The following PCDH11X variants were observed in gnomAD, a reference collection of about 807,000 sequenced individuals.
PCDH11X encodes protocadherin 11 X-linked.
PCDH11X carries 18 observed loss-of-function variants against 53.3 expected under a neutral mutation model. The observed-to-expected ratio is 0.34, with a 90% confidence interval of 0.23 to 0.50. The LOEUF is 0.50. Among genes scored for constraint, PCDH11X ranks in the 20% least tolerant of loss-of-function variants. PCDH11X has a pLI of 0.98. For missense variants in PCDH11X, 570 were observed against 1,032.4 expected, an observed-to-expected ratio of 0.55 and a Z score of 6.14; for synonymous variants, 279 against 393.3, an observed-to-expected ratio of 0.71 and a Z score of 3.44.
Position 91,878,666 on chromosome X carries a change from A to G in PCDH11X, c.2426A>G (p.Asp809Gly). 2 of 1,210,590 alleles carry G rather than the reference A, an allele frequency of 1.7e-6. No individual in the cohort carries two copies. Among genetic ancestry groups the G allele is most frequent in the Non-Finnish European group, 2.2e-6 (2 of 895,182 alleles). The change falls in exon 6 of 11, where the codon GAC (aspartate) becomes GGC (glycine). Residue 809 changes from aspartate (D) to glycine (G), a missense_variant. Physicochemically the swap from Asp to Gly is moderately conservative, Grantham distance 94. Transcript: ENST00000682573. ...EIADVSSPTS[D>G]YVKILVAAVA... ...GCTGATGTATCCTCACCAACTAGTG[A>G]CTATGTCAAGATCCTGGTTGCAGCT...
At chrX:92,177,882 C>T (rs932292935) in intron 6 of PCDH11X, among the ~76,000 whole-genome samples, 1 of 110,263 alleles carries the variant, frequency 9.1e-6, no homozygotes, top group East Asian at 2.9e-4. Flanking sequence ...TATACATATA[C>T]ACACACACAA....
chrX:92,242,193 T>G (rs1401751937), intron 7 of PCDH11X, among the ~76,000 whole-genome samples: 4 of 111,168 alleles, frequency 3.6e-5, no homozygotes, highest in African/African-American at 1.3e-4. Context: ...TACCCTTCTT[T>G]ATGCGTAACC....
intron 6 of PCDH11X, among the ~76,000 whole-genome samples, chrX:91,987,331 C>T (rs1483314530): frequency 9.0e-6 from 1 of 111,528 alleles, no homozygotes. Context: ...ATCCACCTGC[C>T]TCATTCTCCC....
chrX:92,370,650 G>T (rs2070599324), intron 8 of PCDH11X, among the ~76,000 whole-genome samples: 1 of 109,756 alleles, frequency 9.1e-6, no homozygotes, highest in African/African-American at 3.3e-5. Flanking sequence ...AGTAGAGACG[G>T]GGTTTCACTA....
chrX:92,602,935 T>A (rs1427675724), intron 10 of PCDH11X, among the ~76,000 whole-genome samples: 1 of 85,784 alleles, frequency 1.2e-5, no homozygotes, highest in East Asian at 3.3e-4. Flanking sequence ...GAGGGCTCTG[T>A]TGTCAGATTT....
chrX:92,198,406 G>A (rs2066329263), intron 6 of PCDH11X, among the ~76,000 whole-genome samples: 1 of 16,019 alleles, frequency 6.2e-5, no homozygotes, highest in Non-Finnish European at 1.2e-4. Context: ...GTGAGATCCT[G>A]TCTCAAAAAA....
At chrX:92,101,695 G>A (rs1280892784) in intron 6 of PCDH11X, among the ~76,000 whole-genome samples, 1 of 110,276 alleles carries the variant, frequency 9.1e-6, no homozygotes, top group Non-Finnish European at 1.9e-5. Context: ...TTCAGTGAAA[G>A]TGTCTATTTA....
chrX:91,812,681 G>A (rs192914467), intron 4 of PCDH11X, among the ~76,000 whole-genome samples: 27 of 110,750 alleles, frequency 2.4e-4, no homozygotes, highest in Non-Finnish European at 4.4e-4. Context: ...TTGTTAGTTC[G>A]TCTCAATGCT....
chrX:92,546,023 A>G (rs746511135), intron 10 of PCDH11X, among the ~76,000 whole-genome samples: 3 of 103,265 alleles, frequency 2.9e-5, no homozygotes, highest in East Asian at 2.8e-4. Flanking sequence ...TGTGAACCCA[A>G]TGATAAACTT....
intron 6 of PCDH11X, among the ~76,000 whole-genome samples, chrX:92,001,752 G>A (rs1241182068): frequency 1.8e-5 from 2 of 111,291 alleles, no homozygotes; most frequent in Non-Finnish European, 3.8e-5. Context: ...ATAGGTGTGA[G>A]CCACCACGCC....
At chrX:91,847,833 G>A (rs1020214196) in intron 5 of PCDH11X, among the ~76,000 whole-genome samples, 4 of 111,885 alleles carry the variant, frequency 3.6e-5, no homozygotes, top group African/African-American at 1.3e-4. Flanking sequence ...AAAAAAAACA[G>A]ACATGGAAAA....
At chrX:92,036,520 G>T (rs1424656764) in intron 6 of PCDH11X, among the ~76,000 whole-genome samples, 3 of 108,945 alleles carry the variant, frequency 2.8e-5, no homozygotes, top group Non-Finnish European at 3.8e-5. Context: ...CTGCTGCCAT[G>T]TGAGATATGC....
intron 6 of PCDH11X, among the ~76,000 whole-genome samples, chrX:92,133,036 G>A (rs1453751666): frequency 4.5e-5 from 5 of 110,546 alleles, no homozygotes; most frequent in African/African-American, 1.3e-4. Flanking sequence ...GTGGAAAAGT[G>A]CATTTTGAAA....
At chrX:92,088,348 AG>A (rs2063993877) in intron 6 of PCDH11X, among the ~76,000 whole-genome samples, 3 of 110,862 alleles carry the variant, frequency 2.7e-5, no homozygotes, top group African/African-American at 9.8e-5. Context: ...TCACTGTTTT[AG>A]ATAAAGTATT....
At chrX:92,176,554 AACC>A (rs1450273540) in intron 6 of PCDH11X, among the ~76,000 whole-genome samples, 1 of 112,159 alleles carries the variant, frequency 8.9e-6, no homozygotes, top group Non-Finnish European at 1.9e-5. Flanking sequence ...TTGATCATAA[AACC>A]ATTTCTAGTT....
chrX:92,216,454 G>C (rs1174763343), intron 7 of PCDH11X, among the ~76,000 whole-genome samples: 2 of 104,044 alleles, frequency 1.9e-5, no homozygotes, highest in African/African-American at 7.0e-5. Flanking sequence ...GGGTATCAGC[G>C]ATGGAAGATG....
At chrX:92,031,627 A>C (rs1371540333) in intron 6 of PCDH11X, among the ~76,000 whole-genome samples, 1 of 111,819 alleles carries the variant, frequency 8.9e-6, no homozygotes, top group Non-Finnish European at 1.9e-5. Context: ...TCTTAGATTT[A>C]AGTCTAATTC....
chrX:91,953,411 G>T (rs1280247314), intron 6 of PCDH11X, among the ~76,000 whole-genome samples: 3 of 111,025 alleles, frequency 2.7e-5, no homozygotes, highest in Non-Finnish European at 5.7e-5. Flanking sequence ...GTATCAGAGC[G>T]ATAATTTTAC....
chrX:92,343,655 G>C (rs1276820857), intron 8 of PCDH11X, among the ~76,000 whole-genome samples: 1 of 111,585 alleles, frequency 9.0e-6, no homozygotes, highest in Non-Finnish European at 1.9e-5. Context: ...GAATTATCTA[G>C]TGGAAATTTT....
Sources: allele counts gnomAD v4.1 joint callset (sites outside exome capture counted in the v4.1 genomes callset), GRCh38; gene constraint gnomAD v4.1.1; transcripts MANE v1.5; gene names NCBI Gene and HGNC (gene_info 2026-07-23, HGNC 2026-07-21).